The following SLC5A10 variants were observed in gnomAD, a reference collection of about 807,000 sequenced individuals.
The protein encoded by SLC5A10 is sodium/mannose cotransporter SLC5A10.
Under a neutral mutation model 68.9 loss-of-function variants are expected in SLC5A10, and 55 were observed. The observed-to-expected ratio is 0.80, with a 90% CI of 0.64 to 1.00. The LOEUF is 1.00. SLC5A10 is among the 50% of genes least tolerant of loss of function. The probability of loss-of-function intolerance (pLI) is 0.00; values close to 1 mark genes in which losing one functional copy is unlikely to be tolerated. For synonymous variants in SLC5A10, 344 were observed against 344.8 expected, an observed-to-expected ratio of 1.00 and a Z score of 0.02; for missense variants, 732 against 819.3, an observed-to-expected ratio of 0.89 and a Z score of 1.30.
At chr17:19,015,006 T>C in intron 10 of SLC5A10, 43 bp from the exon 11 acceptor site, 6 of 1,589,382 alleles carry the variant, frequency 3.8e-6, no homozygotes, top group Non-Finnish European at 5.2e-6. Context: ...CCCGGGGCTG[T>C]CTCAAGGCCG....
chr17:18,952,001 G>A, upstream of SLC5A10: 1 of 707,460 alleles, frequency 1.4e-6, no homozygotes, highest in Non-Finnish European at 2.2e-6. Flanking sequence ...TGACTCCTGC[G>A]CTCTGGGATC....
rs754947128 is a variant in SLC5A10 at position 19,020,331 on chromosome 17, G to A, written c.1691G>A (p.Gly564Asp). 4 of 1,613,984 alleles carry A rather than the reference G, an allele frequency of 2.5e-6. No individual in the cohort carries two copies. Among genetic ancestry groups the A allele is most frequent in the South Asian group, 2.2e-5 (2 of 91,080 alleles). Reference protein sequence around the residue: ...DVPLGTKAGDGQTPQKHAFWA... With the variant: ...DVPLGTKAGDDQTPQKHAFWA... ...CTTCTGCAACCCCCTCCAGGTGATG[G>A]CCAAACACCCCAGAAACACGCCTTC... is the stretch of plus-strand genomic sequence containing the variant. The change falls in exon 15 of 15, where the codon GGC becomes GAC. Residue 564 changes from glycine (G) to aspartate (D), a missense_variant. Transcript: ENST00000395645.
chr17:18,954,225 C>G (rs1157283489), intron 1 of SLC5A10: 4 of 152,288 alleles, frequency 2.6e-5, no homozygotes, highest in African/African-American at 9.7e-5. Context: ...TGGAGGGTTT[C>G]TGGATGAGGG....
rs930824634 is a variant in SLC5A10 at position 19,015,513 on chromosome 17, TG to T, written c.1241+315del. On this transcript the variant is annotated intron_variant, in intron 11 of 14. Transcript: ENST00000395645. ...CGAAAACCTGGGCCCCCATTCCTCC[TG>T]ATGGTTCCCAGCTGCGCCACAGAGG... Among the ~76,000 whole-genome samples, 6 of 152,294 alleles carry T rather than the reference TG, an allele frequency of 3.9e-5. No individual in the cohort carries two copies. In the Middle Eastern group the frequency reaches 0.01, roughly 259 times the overall value.
chr17:18,974,037 C>A (rs146315116), intron 8 of SLC5A10, among the ~76,000 whole-genome samples: 3 of 152,088 alleles, frequency 2.0e-5, no homozygotes, highest in African/African-American at 7.2e-5. Flanking sequence ...GGATTACAAG[C>A]GTGTACCATC....
Position 19,021,857 on chromosome 17 carries a change from A to C in SLC5A10, c.*1426A>C. ...GCCCACGTTCAGTCCAAGGCCGTCC[A>C]CTGAGCCCCGTGTGACTCTGACAGA... On this transcript the variant is annotated 3_prime_UTR_variant, in exon 15 of 15. Coordinates refer to ENST00000395645, the MANE Select transcript of SLC5A10 (RefSeq NM_001042450.4). The surrounding 1 kb of genome is among the most constrained non-coding windows in gnomAD (Gnocchi z 4.1). The C allele has an allele frequency of 7.9e-7, 1 of 1,267,234 alleles. No individual in the cohort carries two copies. Among genetic ancestry groups the C allele is most frequent in the Non-Finnish European group, 1.0e-6 (1 of 966,978 alleles). The allele number at this position is 1,267,234 out of a possible 1,614,324, so 78.5% of individuals were successfully genotyped here.
At chr17:18,966,341 G>A (rs1734947458) in intron 5 of SLC5A10, among the ~76,000 whole-genome samples, 3 of 152,172 alleles carry the variant, frequency 2.0e-5, no homozygotes. Flanking sequence ...TGCCCTGGGA[G>A]TGGCCCTTCC....
At chr17:18,959,054 G>C in intron 2 of SLC5A10, 81 bp from the exon 3 acceptor site, 1 of 1,378,912 alleles carries the variant, frequency 7.3e-7, no homozygotes, top group Non-Finnish European at 1.0e-6. Flanking sequence ...GGTTTGTGAG[G>C]ATGAGGGAGA....
At chr17:18,951,205 C>T (rs904206488), upstream of SLC5A10, among the ~76,000 whole-genome samples, 5 of 152,236 alleles carry the variant, frequency 3.3e-5, no homozygotes, top group South Asian at 2.1e-4. Context: ...GTGAGACTGC[C>T]GGCCAGCCCT....
chr17:18,976,644 C>A (rs2042987212), intron 8 of SLC5A10: 1 of 603,822 alleles, frequency 1.7e-6, no homozygotes. Context: ...AATGAGTGTA[C>A]CTCGGCTCTC....
In SLC5A10 at chr17:19,020,559, A is replaced by T. The variant is rs2044247853; in HGVS notation, c.*128A>T. The T allele has an allele frequency of 1.2e-6, 1 of 842,220 alleles. No homozygotes were observed. The highest frequency in any genetic ancestry group is 1.7e-5 in the African/African-American group (1 of 58,506). 52.2% of individuals were successfully genotyped at this position (842,220 alleles called of 1,614,324 possible). A position where few individuals can be genotyped will look rare whatever the true frequency, so the allele number is the denominator to read the frequency against. ...GCTGCACAGCAGCTCGGTGCCCAAG[A>T]ACTGGCCAAGCCAGCAAAGCGGGAG... On this transcript the variant is annotated 3_prime_UTR_variant, in exon 15 of 15. Coordinates refer to ENST00000395645, the MANE Select transcript of SLC5A10 (RefSeq NM_001042450.4).
chr17:18,990,886 C>A (rs767044042), intron 9 of SLC5A10, among the ~76,000 whole-genome samples: 3 of 152,210 alleles, frequency 2.0e-5, no homozygotes, highest in Non-Finnish European at 4.4e-5. Context: ...CATGCCCTTT[C>A]CCATTTTATA....
chr17:19,003,107 C>T lies in SLC5A10; in HGVS notation c.983-10303C>T, dbSNP rs2043772732. Among the ~76,000 whole-genome samples the T allele has an allele frequency of 6.6e-6, 1 of 152,060 alleles. No homozygotes were observed. The highest frequency in any genetic ancestry group is 2.4e-5 in the African/African-American group (1 of 41,408). Reference sequence around the variant, plus strand: ...GGACCATGCCTATTCCCTCACCCCACAACAAAAGCTCTCCCCACCAGAGAG... The same window carrying T: ...GGACCATGCCTATTCCCTCACCCCATAACAAAAGCTCTCCCCACCAGAGAG... On this transcript the variant is annotated intron_variant, in intron 9 of 14. Coordinates refer to ENST00000395645, the MANE Select transcript of SLC5A10 (RefSeq NM_001042450.4). The surrounding 1 kb of genome is among the most constrained non-coding windows in gnomAD (Gnocchi z 4.5).
chr17:18,982,824 A>G lies in SLC5A10; in HGVS notation c.982+5835A>G, dbSNP rs369554280. On this transcript the variant is annotated intron_variant, in intron 9 of 14. Coordinates refer to ENST00000395645, the MANE Select transcript of SLC5A10 (RefSeq NM_001042450.4). ...TCTAGGCATTCCTGAGCTCCAGTCAAACAGGCTCCAATCCTAGCACCAAAT... is the reference window on the plus strand; with the variant it reads ...TCTAGGCATTCCTGAGCTCCAGTCAGACAGGCTCCAATCCTAGCACCAAAT... 2.6e-3 allele frequency among the ~76,000 whole-genome samples: 391 copies of G among 152,366 alleles called. 1 individual carries two copies. The highest frequency in any genetic ancestry group is 9.1e-3 in the African/African-American group (380 of 41,590).
intron 1 of SLC5A10, among the ~76,000 whole-genome samples, chr17:18,956,014 G>C (rs1223874460): frequency 6.6e-6 from 1 of 152,080 alleles, no homozygotes; most frequent in African/African-American, 2.4e-5. Context: ...GACCAACATG[G>C]AGGAACCCCA....
Position 19,019,924 on chromosome 17 carries a change from T to C in SLC5A10, c.1622T>C (p.Val541Ala). The C allele has an allele frequency of 6.2e-7, 1 of 1,604,174 alleles. No individual in the cohort carries two copies. The change falls in exon 13 of 15, where the codon GTC (valine) becomes GCC (alanine). Residue 541 changes from valine (V) to alanine (A), a missense_variant. Transcript: ENST00000395645. ...GSLLTPPPQSVQIENLTWWTL... is the reference protein window; with the variant it reads ...GSLLTPPPQSAQIENLTWWTL... ...CTGCTGACCCCACCCCCACAGAGTG[T>C]CCAGGTGAGCCAGCCCTGACCCCTG...
Position 19,021,076 on chromosome 17 carries a change from G to A in SLC5A10, c.*645G>A, listed in dbSNP as rs143618306. On this transcript the variant is annotated 3_prime_UTR_variant, in exon 15 of 15. Transcript: ENST00000395645. The surrounding 1 kb of genome is among the most constrained non-coding windows in gnomAD (Gnocchi z 4.1). ...ACCCTCCTGTTCTCGGGTAGGGGCC[G>A]TGCCCCACCTAGGTAGCCGTCCCAT... 1,409 of 152,592 alleles carry A rather than the reference G, an allele frequency of 9.2e-3. 14 individuals are homozygous for A. Among genetic ancestry groups the A allele is most frequent in the Non-Finnish European group, 0.013 (897 of 68,306 alleles). The allele number at this position is 152,592 out of a possible 1,614,324, so 9.5% of individuals were successfully genotyped here.
Position 19,019,695 on chromosome 17 carries a change from T to C in SLC5A10, c.1411-18T>C. The C allele has an allele frequency of 6.2e-7, 1 of 1,606,394 alleles. No individual in the cohort carries two copies. The highest frequency in any genetic ancestry group is 8.5e-7 in the Non-Finnish European group (1 of 1,178,702). On this transcript the variant is annotated intron_variant, in intron 12 of 14. Transcript: ENST00000395645. The stretch of plus-strand genomic sequence containing the variant: ...CCTCCTCCCGTAGCCCCACATGCCC[T>C]GCCTCCCTCCTCCCCAGGGGGCCTT...
In SLC5A10 at chr17:19,015,162, C is replaced by T; in HGVS notation, c.1204C>T (p.Pro402Ser). 1 of 1,499,094 alleles carries T rather than the reference C, an allele frequency of 6.7e-7. No individual in the cohort carries two copies. The highest frequency in any genetic ancestry group is 1.1e-5 in the South Asian group (1 of 89,298). The allele number at this position is 1,499,094 out of a possible 1,614,324, so 92.9% of individuals were successfully genotyped here. The change falls in exon 11 of 15, where the codon CCC becomes TCC. Residue 402 changes from proline (P) to serine (S), a missense_variant. Pro to Ser is a moderately conservative substitution (Grantham distance 74, BLOSUM62 -1). Coordinates refer to ENST00000395645, the MANE Select transcript of SLC5A10 (RefSeq NM_001042450.4). ...FTMDIWRRLRPRSGERELLLV... is the reference protein window; with the variant it reads ...FTMDIWRRLRSRSGERELLLV... Reference sequence around the variant, plus strand: ...TATGGACATCTGGAGGCGGCTGCGTCCCCGCTCCGGCGAGCGGGAGCTCCT... The same window carrying T: ...TATGGACATCTGGAGGCGGCTGCGTTCCCGCTCCGGCGAGCGGGAGCTCCT...
Sources: allele counts gnomAD v4.1 joint callset (sites outside exome capture counted in the v4.1 genomes callset), GRCh38; gene constraint gnomAD v4.1.1; non-coding constraint Gnocchi (gnomAD v3.1); transcripts MANE v1.5; gene names NCBI Gene and HGNC (gene_info 2026-07-23, HGNC 2026-07-21).